The following EXOC6 variants were observed in gnomAD, a reference collection of about 807,000 sequenced individuals.
EXOC6 encodes the protein exocyst complex component 6.
In EXOC6, 60 loss-of-function variants were observed where a neutral mutation model predicts 112.5. That is an observed-to-expected ratio of 0.53 (90% CI 0.43 to 0.66). EXOC6 has a LOEUF of 0.66. EXOC6 is among the 30% of genes least tolerant of loss of function. The pLI, the probability that EXOC6 is intolerant of heterozygous loss-of-function variation, is 0.00. For missense variants in EXOC6, 855 were observed against 957.1 expected, an observed-to-expected ratio of 0.89 and a Z score of 1.41; for synonymous variants, 295 against 308.0, an observed-to-expected ratio of 0.96 and a Z score of 0.44.
intron 17 of EXOC6, among the ~76,000 whole-genome samples, chr10:92,966,456 G>A (rs1842062736): frequency 9.9e-6 from 1 of 101,092 alleles, no homozygotes; most frequent in Non-Finnish European, 1.8e-5. Context: ...CCCCACATCA[G>A]TCCCCAGAGT....
At chr10:93,008,808 T>C (rs1368256423) in intron 19 of EXOC6, among the ~76,000 whole-genome samples, 1 of 152,210 alleles carries the variant, frequency 6.6e-6, no homozygotes, top group East Asian at 1.9e-4. Context: ...GATTTAGTTT[T>C]AATTGAAGAA....
chr10:92,985,699 C>T (rs1251883046), intron 18 of EXOC6, among the ~76,000 whole-genome samples: 2 of 152,092 alleles, frequency 1.3e-5, no homozygotes, highest in African/African-American at 4.8e-5. Context: ...TATTCTGACA[C>T]CTCATGTCCT....
chr10:92,832,099 T>C (rs1846503570), upstream of EXOC6, among the ~76,000 whole-genome samples: 1 of 152,216 alleles, frequency 6.6e-6, no homozygotes, highest in South Asian at 2.1e-4. Flanking sequence ...TTAAGAGTGA[T>C]TTCTCATCAT....
intron 17 of EXOC6, among the ~76,000 whole-genome samples, chr10:92,966,974 T>C (rs1455075564): frequency 6.6e-5 from 9 of 136,728 alleles, no homozygotes; most frequent in East Asian, 2.1e-4. Flanking sequence ...TTTTAATGAT[T>C]GCCATTCTAA....
At chr10:92,882,784 A>G (rs532649725) in intron 1 of EXOC6, among the ~76,000 whole-genome samples, 25 of 152,294 alleles carry the variant, frequency 1.6e-4, no homozygotes, top group African/African-American at 5.3e-4. Flanking sequence ...GTCTCACTTC[A>G]GACTCTAACT....
intron 6 of EXOC6, among the ~76,000 whole-genome samples, chr10:92,914,418 A>G (rs907400262): frequency 3.3e-5 from 5 of 152,236 alleles, no homozygotes; most frequent in African/African-American, 9.6e-5. Flanking sequence ...TAAATCTCCT[A>G]GGAGGAGGAT....
intron 20 of EXOC6, among the ~76,000 whole-genome samples, chr10:93,043,910 C>G (rs1165578690): frequency 6.6e-6 from 1 of 152,178 alleles, no homozygotes; most frequent in Non-Finnish European, 1.5e-5. Flanking sequence ...CTTAACTGAG[C>G]TGCATCTTAA....
chr10:92,950,515 T>C (rs996001272), intron 14 of EXOC6, among the ~76,000 whole-genome samples: 2 of 152,176 alleles, frequency 1.3e-5, no homozygotes, highest in African/African-American at 4.8e-5. Context: ...GTCTTTGGTG[T>C]TAAGGAGCTT....
At chr10:92,827,648 GA>G (rs1846409135) in intron 1 of EXOC6, among the ~76,000 whole-genome samples, 1 of 152,052 alleles carries the variant, frequency 6.6e-6, no homozygotes. Flanking sequence ...TTGTGGCAAA[GA>G]AAAAGCTGCT....
At chr10:92,962,546 C>T (rs962943424) in intron 17 of EXOC6, among the ~76,000 whole-genome samples, 7 of 151,946 alleles carry the variant, frequency 4.6e-5, no homozygotes, top group Admixed American at 4.6e-4. Flanking sequence ...CATGCTACTA[C>T]CCTGGCTGAT....
intron 15 of EXOC6, 143 bp downstream of exon 15, chr10:92,952,525 T>A: frequency 1.6e-6 from 1 of 641,690 alleles, no homozygotes. Flanking sequence ...TATTGTGTAA[T>A]GCTGAGATTT....
chr10:92,848,841 T>C lies in EXOC6; in HGVS notation c.101+207T>C, dbSNP rs550601343. Reference sequence around the variant, plus strand: ...GGCGGCTGCACCTGTCGGCGCGGCCTGCCTCCACCGCTGTAGCTGTCACCC... The same window carrying C: ...GGCGGCTGCACCTGTCGGCGCGGCCCGCCTCCACCGCTGTAGCTGTCACCC... On this transcript the variant is annotated intron_variant, in intron 1 of 21. Transcript: ENST00000260762. 3.6e-3 allele frequency among the ~76,000 whole-genome samples: 549 copies of C among 152,002 alleles called. 4 individuals carry two copies. The highest frequency in any genetic ancestry group is 5.9e-3 in the Non-Finnish European group (401 of 67,934).
intron 20 of EXOC6, among the ~76,000 whole-genome samples, chr10:93,034,987 C>A (rs1312444165): frequency 6.6e-6 from 1 of 152,174 alleles, no homozygotes; most frequent in Non-Finnish European, 1.5e-5. Flanking sequence ...ACAGCTCCTC[C>A]AGCAAGCATT....
In EXOC6 at chr10:92,930,278, G is replaced by A. The variant is rs186298294; in HGVS notation, c.972+1856G>A. ...AGCGCTTTGGGAGGCTGAGGCAGGCGGATCACCTAAGGTCAGGAGTTTGAG... is the reference window on the plus strand; with the variant it reads ...AGCGCTTTGGGAGGCTGAGGCAGGCAGATCACCTAAGGTCAGGAGTTTGAG... On this transcript the variant is annotated intron_variant, in intron 9 of 21. Transcript: ENST00000260762. 6.2e-4 allele frequency among the ~76,000 whole-genome samples: 94 copies of A among 152,212 alleles called. 1 individual carries two copies. The East Asian group carries it at 0.016, about 25-fold the overall frequency.
intron 20 of EXOC6, among the ~76,000 whole-genome samples, chr10:93,021,717 C>T (rs1564917246): frequency 6.6e-6 from 1 of 152,182 alleles, no homozygotes; most frequent in Non-Finnish European, 1.5e-5. Context: ...GGGTAAGTTT[C>T]CTACTGGTGT....
intron 5 of EXOC6, among the ~76,000 whole-genome samples, chr10:92,902,066 T>C (rs1335432539): frequency 2.0e-5 from 3 of 151,274 alleles, no homozygotes; most frequent in South Asian, 2.1e-4. Flanking sequence ...GGTGGACTTA[T>C]TACACACACA....
At chr10:93,024,096 C>T (rs1844910188) in intron 20 of EXOC6, among the ~76,000 whole-genome samples, 1 of 152,170 alleles carries the variant, frequency 6.6e-6, no homozygotes, top group South Asian at 2.1e-4. Flanking sequence ...ATACTAAATC[C>T]TCTTTAACTG....
At chr10:92,843,976 C>CAAAAA (rs34641974), upstream of EXOC6, among the ~76,000 whole-genome samples, 70 of 37,904 alleles carry the variant, frequency 1.8e-3, 5 homozygotes, top group Admixed American at 2.7e-3. Flanking sequence ...GACTCTGTCT[C>CAAAAA]AAAAAAAAAA....
chr10:92,866,207 C>A (rs1041220964), intron 1 of EXOC6, among the ~76,000 whole-genome samples: 1 of 151,998 alleles, frequency 6.6e-6, no homozygotes, highest in Non-Finnish European at 1.5e-5. Flanking sequence ...AATTTTTAAT[C>A]CAAGTAACTA....
Sources: allele counts gnomAD v4.1 joint callset (sites outside exome capture counted in the v4.1 genomes callset), GRCh38; gene constraint gnomAD v4.1.1; transcripts MANE v1.5; gene names NCBI Gene and HGNC (gene_info 2026-07-23, HGNC 2026-07-21).